Variants in ATP2C1 observed in about 807,000 individuals in gnomAD.
The protein encoded by ATP2C1 is calcium-transporting ATPase type 2C member 1.
ATP2C1 carries 31 observed loss-of-function variants against 120.5 expected under a neutral mutation model. That is an observed-to-expected ratio of 0.26 (90% CI 0.19 to 0.35). The LOEUF (loss-of-function observed/expected upper bound fraction) is 0.35. Ranked by LOEUF, ATP2C1 falls within the 10% of genes least tolerant of loss-of-function variation. The probability of loss-of-function intolerance (pLI) is 1.00; values close to 1 mark genes in which losing one functional copy is unlikely to be tolerated. For missense variants in ATP2C1, 731 were observed against 1,107.5 expected (o/e 0.66, Z 4.83); for synonymous variants, 351 against 358.7 (o/e 0.98, Z 0.24).
At position 130,967,107 on chromosome 3, in the gene ATP2C1, T is replaced by C. The variant is rs1004341058; in HGVS notation, c.1123-38T>C. ...AGGTCTTGTCACCACCAAGTGTTTG[T>C]AGTGTTTGTATTATTGATCCCACTT... On this transcript the variant is annotated intron_variant, in intron 14 of 27. Transcript: ENST00000510168. The C allele has an allele frequency of 2.7e-6, 4 of 1,469,272 alleles. No homozygotes were observed. In the Admixed American group the frequency reaches 6.7e-5, roughly 25 times the overall value. 91.0% of individuals were successfully genotyped at this position (1,469,272 alleles called of 1,614,324 possible).
At chr3:130,916,997 G>C (rs2058719008) in intron 2 of ATP2C1, among the ~76,000 whole-genome samples, 1 of 152,188 alleles carries the variant, frequency 6.6e-6, no homozygotes, top group Non-Finnish European at 1.5e-5. Context: ...CGTGACTTGT[G>C]ATGGTTTGAC....
chr3:130,985,444 C>G (rs1366906086), intron 20 of ATP2C1, among the ~76,000 whole-genome samples: 1 of 151,982 alleles, frequency 6.6e-6, no homozygotes, highest in Admixed American at 6.6e-5. Flanking sequence ...ACCTGCCTGG[C>G]CAACATGGCG....
intron 1 of ATP2C1, among the ~76,000 whole-genome samples, chr3:130,878,858 A>G (rs1318959008): frequency 6.6e-6 from 1 of 152,166 alleles, no homozygotes; most frequent in Non-Finnish European, 1.5e-5. Context: ...TTTCAAATAG[A>G]ACCTTTTTGT....
intron 8 of ATP2C1, among the ~76,000 whole-genome samples, chr3:130,945,540 G>A (rs1010077558): frequency 2.8e-5 from 3 of 108,946 alleles, no homozygotes; most frequent in Non-Finnish European, 5.2e-5. Flanking sequence ...GACAGGCCCC[G>A]GTGTGTGATG....
rs148837160 is a variant in ATP2C1 at position 130,881,106 on chromosome 3, G to A, written c.108+30178G>A. Among the ~76,000 whole-genome samples, 91 of 152,320 alleles carry A rather than the reference G, an allele frequency of 6.0e-4. No individual in the cohort carries two copies. The East Asian group carries it at 0.014, about 24-fold the overall frequency. On this transcript the variant is annotated intron_variant, in intron 1 of 26. Transcript: ENST00000504381. ...ATCCCAGTGTGCAGCAGGATAAAGA[G>A]AGACTGAAAATGTTTCTGATATGAA...
intron 12 of ATP2C1, among the ~76,000 whole-genome samples, chr3:130,960,488 A>G (rs935810383): frequency 7.2e-5 from 11 of 152,206 alleles, no homozygotes; most frequent in African/African-American, 1.7e-4. Context: ...ACTCAAAGCT[A>G]TGATTTCCTA....
downstream of ATP2C1, among the ~76,000 whole-genome samples, chr3:131,007,981 G>T (rs1187772414): frequency 6.6e-6 from 1 of 152,182 alleles, no homozygotes. Context: ...CATCTGTGTG[G>T]TTGCGTAATA....
chr3:130,999,724 T>C, intron 27 of ATP2C1, 65 bp downstream of exon 27: 1 of 1,431,148 alleles, frequency 7.0e-7, no homozygotes, highest in Non-Finnish European at 9.6e-7. Context: ...AATGTGTTTG[T>C]TTTAATTTTA....
At chr3:130,859,471 A>G (rs1014965537) in intron 1 of ATP2C1, among the ~76,000 whole-genome samples, 3 of 152,232 alleles carry the variant, frequency 2.0e-5, no homozygotes, top group African/African-American at 7.2e-5. Context: ...CTAAATATAC[A>G]TAGCAGTCAT....
chr3:131,006,947 C>T (rs1421359983), downstream of ATP2C1, among the ~76,000 whole-genome samples: 4 of 152,114 alleles, frequency 2.6e-5, no homozygotes, highest in Non-Finnish European at 5.9e-5. Flanking sequence ...GGATTATAAG[C>T]GTGAGCCATC....
chr3:131,012,558 C>T (rs1224410220), intron 26 of ATP2C1, among the ~76,000 whole-genome samples: 1 of 152,050 alleles, frequency 6.6e-6, no homozygotes, highest in Non-Finnish European at 1.5e-5. Context: ...ACATCCAGCA[C>T]CGGTCTCACA....
intron 20 of ATP2C1, among the ~76,000 whole-genome samples, chr3:130,989,415 A>G (rs576129934): frequency 6.6e-6 from 1 of 151,504 alleles, no homozygotes; most frequent in Non-Finnish European, 1.5e-5. Context: ...AAAATACAAA[A>G]TTAGCTGGGC....
intron 20 of ATP2C1, among the ~76,000 whole-genome samples, chr3:130,983,545 A>C (rs1326606824): frequency 1.3e-5 from 2 of 152,248 alleles, no homozygotes; most frequent in Non-Finnish European, 2.9e-5. Context: ...GGTTTTGACA[A>C]ATGCATAATG....
chr3:130,891,547 T>A (rs962239681), upstream of ATP2C1, among the ~76,000 whole-genome samples: 5 of 152,216 alleles, frequency 3.3e-5, no homozygotes, highest in African/African-American at 1.2e-4. Flanking sequence ...GTAGAAAGAA[T>A]TTTTAGAGCT....
chr3:131,007,607 G>A (rs1362814800), downstream of ATP2C1, among the ~76,000 whole-genome samples: 2 of 152,018 alleles, frequency 1.3e-5, no homozygotes, highest in Non-Finnish European at 2.9e-5. Flanking sequence ...TGTAGCTTTT[G>A]AAAAATGTGC....
At chr3:130,943,665 G>A (rs916627589) in intron 8 of ATP2C1, among the ~76,000 whole-genome samples, 4 of 152,120 alleles carry the variant, frequency 2.6e-5, no homozygotes, top group Non-Finnish European at 4.4e-5. Flanking sequence ...TTTTGTTCTA[G>A]TTAATCCACT....
rs749879416 is a variant in ATP2C1 at position 130,940,905 on chromosome 3, AT to A, written c.422+242del. Among the ~76,000 whole-genome samples the A allele has an allele frequency of 4.9e-3, 424 of 86,078 alleles. 1 individual carries two copies. The highest frequency in any genetic ancestry group is 0.014 in the Middle Eastern group (2 of 144). 56.5% of individuals were successfully genotyped at this position (86,078 alleles called of 152,430 possible). On this transcript the variant is annotated intron_variant, in intron 7 of 27. Transcript: ENST00000510168. ...CTAGAGACATGGATGTATTTAACAGATTTTTTTTTTTTTTTTTTTTTTTTTT... is the reference window on the plus strand; with the variant it reads ...CTAGAGACATGGATGTATTTAACAGATTTTTTTTTTTTTTTTTTTTTTTTT...
intron 22 of ATP2C1, among the ~76,000 whole-genome samples, chr3:130,995,473 G>A (rs774242653): frequency 4.6e-5 from 7 of 151,816 alleles, no homozygotes; most frequent in Admixed American, 1.3e-4. Flanking sequence ...ATTTTCTCTT[G>A]TGTGAAGAGA....
downstream of ATP2C1, among the ~76,000 whole-genome samples, chr3:131,005,326 C>T (rs764454440): frequency 3.3e-5 from 5 of 152,000 alleles, no homozygotes; most frequent in Non-Finnish European, 5.9e-5. Flanking sequence ...CCATATTACC[C>T]AGGCTGGTCT....
Sources: allele counts gnomAD v4.1 joint callset (sites outside exome capture counted in the v4.1 genomes callset), GRCh38; gene constraint gnomAD v4.1.1; transcripts MANE v1.5; gene names NCBI Gene and HGNC (gene_info 2026-07-23, HGNC 2026-07-21).